ST6GAL1: variants seen among roughly 807,000 people sequenced by gnomAD.
The protein encoded by ST6GAL1 is ST6 beta-galactoside alpha-2,6-sialyltransferase 1.
Under a neutral mutation model 38.0 loss-of-function variants are expected in ST6GAL1, and 20 were observed. That is an observed-to-expected ratio of 0.53 (90% confidence interval 0.37 to 0.77). The LOEUF (loss-of-function observed/expected upper bound fraction) is 0.77. ST6GAL1 is among the 30% of genes least tolerant of loss of function. The pLI, the probability that ST6GAL1 is intolerant of heterozygous loss-of-function variation, is 0.00. For missense variants in ST6GAL1, 432 were observed against 496.4 expected (o/e 0.87, Z 1.23); for synonymous variants, 196 against 188.2 (o/e 1.04, Z -0.34).
chr3:186,999,651 C>T (rs1716547713), intron 2 of ST6GAL1, among the ~76,000 whole-genome samples: 1 of 152,006 alleles, frequency 6.6e-6, no homozygotes, highest in Admixed American at 6.6e-5. Flanking sequence ...CCTCATGATC[C>T]TCCCGTCTTG....
chr3:186,972,013 T>C (rs187104209), intron 2 of ST6GAL1, among the ~76,000 whole-genome samples: 3 of 152,302 alleles, frequency 2.0e-5, no homozygotes, highest in African/African-American at 7.2e-5. Flanking sequence ...ACAATGACAG[T>C]GAATGATGAT....
At chr3:186,981,882 A>G (rs1715708901) in intron 2 of ST6GAL1, among the ~76,000 whole-genome samples, 1 of 152,178 alleles carries the variant, frequency 6.6e-6, no homozygotes, top group Admixed American at 6.5e-5. Flanking sequence ...CTCCTTTACT[A>G]AGACCCATGA....
At chr3:187,012,057 C>A (rs1716970843) in intron 2 of ST6GAL1, among the ~76,000 whole-genome samples, 1 of 152,154 alleles carries the variant, frequency 6.6e-6, no homozygotes, top group Non-Finnish European at 1.5e-5. Flanking sequence ...CCCCAGGACT[C>A]ACATCTTCCT....
At chr3:187,047,416 CTATT>C in intron 4 of ST6GAL1, among the ~76,000 whole-genome samples, 1 of 152,170 alleles carries the variant, frequency 6.6e-6, no homozygotes, top group South Asian at 2.1e-4. Flanking sequence ...TAATTTCTAG[CTATT>C]TAGAGTTAAC....
At chr3:186,982,874 G>T (rs1397004490) in intron 2 of ST6GAL1, among the ~76,000 whole-genome samples, 1 of 119,930 alleles carries the variant, frequency 8.3e-6, no homozygotes, top group African/African-American at 3.2e-5. Flanking sequence ...TAGAGACGGG[G>T]TTTCACCATT....
At chr3:186,997,972 C>G (rs1388963338) in intron 2 of ST6GAL1, among the ~76,000 whole-genome samples, 1 of 151,934 alleles carries the variant, frequency 6.6e-6, no homozygotes, top group Admixed American at 6.6e-5. Flanking sequence ...AGAGGCCGGG[C>G]ATGGTGGCTC....
At chr3:186,948,328 G>A (rs1025580312) in intron 1 of ST6GAL1, among the ~76,000 whole-genome samples, 4 of 152,206 alleles carry the variant, frequency 2.6e-5, no homozygotes, top group African/African-American at 4.8e-5. Flanking sequence ...TTATTCTCCA[G>A]AAGTACCGAT....
intron 2 of ST6GAL1, among the ~76,000 whole-genome samples, chr3:186,971,237 C>CACGG (rs1715338878): frequency 6.6e-6 from 1 of 152,076 alleles, no homozygotes; most frequent in South Asian, 2.1e-4. Flanking sequence ...TACAGGTGTG[C>CACGG]GCCACCATGC....
chr3:187,058,745 G>A (rs749978137), intron 5 of ST6GAL1, among the ~76,000 whole-genome samples: 26 of 151,840 alleles, frequency 1.7e-4, no homozygotes, highest in South Asian at 6.2e-4. Flanking sequence ...GGGTTCAAGC[G>A]ATCCTCTTGC....
intron 2 of ST6GAL1, among the ~76,000 whole-genome samples, chr3:187,007,073 C>A (rs1313303147): frequency 3.3e-5 from 5 of 152,282 alleles, no homozygotes; most frequent in East Asian, 1.9e-4. Context: ...ATGCAAAAAA[C>A]CACATGAAAA....
chr3:186,964,270 G>A (rs1264327151), intron 2 of ST6GAL1: 2 of 152,136 alleles, frequency 1.3e-5, no homozygotes, highest in African/African-American at 2.4e-5. Flanking sequence ...GGGAGCTCTT[G>A]GGAAACACAC....
At chr3:186,977,854 A>T (rs954100817) in intron 2 of ST6GAL1, among the ~76,000 whole-genome samples, 1 of 152,244 alleles carries the variant, frequency 6.6e-6, no homozygotes, top group Non-Finnish European at 1.5e-5. Context: ...ATCACTTGAA[A>T]TAGTTTTAAT....
chr3:186,947,096 TTG>T (rs1007247030), intron 1 of ST6GAL1, among the ~76,000 whole-genome samples: 1 of 152,038 alleles, frequency 6.6e-6, no homozygotes, highest in Non-Finnish European at 1.5e-5. Context: ...GAGCAGTTTG[TTG>T]GTGGTTCGTG....
intron 1 of ST6GAL1, among the ~76,000 whole-genome samples, chr3:186,939,104 C>T (rs919209944): frequency 8.8e-5 from 13 of 147,546 alleles, no homozygotes; most frequent in East Asian, 2.0e-4. Flanking sequence ...GACAGGGTCT[C>T]GCACTGTCAC....
chr3:186,931,581 C>G (rs1425216573), intron 1 of ST6GAL1, among the ~76,000 whole-genome samples: 1 of 152,208 alleles, frequency 6.6e-6, no homozygotes, highest in Non-Finnish European at 1.5e-5. Context: ...GGTTAAGGGT[C>G]TAAGGGTGCC....
chr3:186,934,431 G>A (rs562034311), intron 1 of ST6GAL1, among the ~76,000 whole-genome samples: 29 of 146,922 alleles, frequency 2.0e-4, no homozygotes, highest in Non-Finnish European at 3.4e-4. Context: ...GCATGGTGGC[G>A]TACTCCTGTG....
At chr3:187,074,037 G>C in intron 6 of ST6GAL1, 122 bp from the exon 7 acceptor site, 1 of 865,064 alleles carries the variant, frequency 1.2e-6, no homozygotes, top group Non-Finnish European at 1.7e-6. Context: ...AAAGGGCTGT[G>C]CCTCAGGAGC....
intron 1 of ST6GAL1, among the ~76,000 whole-genome samples, chr3:186,951,172 C>T (rs1475046258): frequency 6.6e-6 from 1 of 152,186 alleles, no homozygotes; most frequent in African/African-American, 2.4e-5. Flanking sequence ...CTCCTGGGTT[C>T]AAGCGATTCT....
chr3:186,957,423 A>G (rs1714783043), intron 1 of ST6GAL1, among the ~76,000 whole-genome samples: 2 of 152,216 alleles, frequency 1.3e-5, no homozygotes, highest in Non-Finnish European at 2.9e-5. Context: ...AGCCTGGGCA[A>G]CAGAGTGGGA....
Sources: allele counts gnomAD v4.1 joint callset (sites outside exome capture counted in the v4.1 genomes callset), GRCh38; gene constraint gnomAD v4.1.1; transcripts MANE v1.5; gene names NCBI Gene and HGNC (gene_info 2026-07-23, HGNC 2026-07-21).